DIS3L2: variants seen among roughly 807,000 people sequenced by gnomAD.
DIS3L2 encodes DIS3 like 3'-5' exoribonuclease 2, also known as DIS3-like exonuclease 2.
DIS3L2 carries 34 observed loss-of-function variants against 97.5 expected under a neutral mutation model. The ratio of observed to expected loss-of-function variants is 0.35; its 90% CI spans 0.27 to 0.46. The LOEUF (loss-of-function observed/expected upper bound fraction) is 0.46, where lower values mean the gene tolerates loss of function less well. Ranked by LOEUF, DIS3L2 falls within the 20% of genes least tolerant of loss-of-function variation. The pLI is 1.00. For synonymous variants in DIS3L2, 435 were observed against 445.2 expected, an observed-to-expected ratio of 0.98 and a Z score of 0.29; for missense variants, 1,038 against 1,146.0, an observed-to-expected ratio of 0.91 and a Z score of 1.36.
At chr2:232,238,698 C>T in intron 11 of DIS3L2, 53 bp downstream of exon 11, 2 of 1,486,440 alleles carry the variant, frequency 1.3e-6, no homozygotes, top group Non-Finnish European at 1.8e-6. Flanking sequence ...TTGTTTGTTT[C>T]CCTGGAAGAG....
intron 8 of DIS3L2, among the ~76,000 whole-genome samples, chr2:232,155,193 G>T (rs911483883): frequency 5.2e-5 from 7 of 134,970 alleles, no homozygotes; most frequent in African/African-American, 9.4e-5. Flanking sequence ...GCTGTAGACC[G>T]GAGCTGTTCC....
intron 5 of DIS3L2, among the ~76,000 whole-genome samples, chr2:232,069,241 C>G (rs1399742703): frequency 1.3e-5 from 2 of 152,152 alleles, no homozygotes; most frequent in Admixed American, 6.5e-5. Context: ...CTTTATTTGA[C>G]AAGTTGTTTA....
chr2:232,230,750 C>G (rs1311561599), intron 10 of DIS3L2, among the ~76,000 whole-genome samples: 1 of 152,154 alleles, frequency 6.6e-6, no homozygotes, highest in Non-Finnish European at 1.5e-5. Context: ...TTCCACTTAG[C>G]GCTCCCTGGT....
intron 10 of DIS3L2, among the ~76,000 whole-genome samples, chr2:232,222,401 G>T (rs1242215426): frequency 6.6e-6 from 1 of 152,126 alleles, no homozygotes. Flanking sequence ...AAGAGAAATG[G>T]GAAATTCTGT....
At chr2:232,078,188 C>T (rs562482918) in intron 5 of DIS3L2, among the ~76,000 whole-genome samples, 1 of 151,884 alleles carries the variant, frequency 6.6e-6, no homozygotes, top group South Asian at 2.1e-4. Context: ...GGACTACAGG[C>T]GCGTGCCACT....
intron 7 of DIS3L2, among the ~76,000 whole-genome samples, chr2:232,132,292 A>G (rs945587298): frequency 2.0e-5 from 3 of 152,254 alleles, no homozygotes; most frequent in Admixed American, 6.5e-5. Flanking sequence ...TTAACATTAT[A>G]TGAATTGCAA....
chr2:231,996,973 C>T (rs1263125919), intron 1 of DIS3L2, among the ~76,000 whole-genome samples: 1 of 152,144 alleles, frequency 6.6e-6, no homozygotes, highest in Non-Finnish European at 1.5e-5. Context: ...CCCTTTCCCC[C>T]ACCCTGTTGG....
chr2:231,998,917 A>G (rs961982094), intron 1 of DIS3L2, among the ~76,000 whole-genome samples: 9 of 152,218 alleles, frequency 5.9e-5, no homozygotes, highest in African/African-American at 1.9e-4. Context: ...TTTGGCCAGT[A>G]GCAGCCTTTT....
At chr2:232,182,015 C>T (rs1024272527) in intron 9 of DIS3L2, among the ~76,000 whole-genome samples, 10 of 152,164 alleles carry the variant, frequency 6.6e-5, no homozygotes, top group Middle Eastern at 3.4e-3. Context: ...AGGGTGGTCT[C>T]GAGCTCCTGG....
intron 9 of DIS3L2, among the ~76,000 whole-genome samples, chr2:232,170,916 G>C (rs188030190): frequency 2.6e-5 from 4 of 152,116 alleles, no homozygotes; most frequent in Non-Finnish European, 5.9e-5. Flanking sequence ...ACCTCTTTCA[G>C]GTCAACCCTT....
At chr2:232,043,779 C>G (rs1346495427) in intron 5 of DIS3L2, among the ~76,000 whole-genome samples, 1 of 152,122 alleles carries the variant, frequency 6.6e-6, no homozygotes, top group Admixed American at 6.5e-5. Flanking sequence ...AGGAAATGTA[C>G]TGACATTTAC....
intron 5 of DIS3L2, among the ~76,000 whole-genome samples, chr2:232,041,711 G>A (rs1430605865): frequency 1.3e-5 from 2 of 152,158 alleles, no homozygotes; most frequent in African/African-American, 2.4e-5. Context: ...CACTCAATCG[G>A]CAAAACAATG....
chr2:232,203,752 G>C (rs13403266), intron 9 of DIS3L2, among the ~76,000 whole-genome samples: 12,195 of 152,214 alleles, frequency 0.08, 1,035 homozygotes, highest in African/African-American at 0.21. Flanking sequence ...GCATGGGTAG[G>C]GCGCATGGGG....
rs139456128 is a variant in DIS3L2, at chr2:232,006,960, C to T, written c.-93-7875C>T. Among the ~76,000 whole-genome samples, 9 of 152,160 alleles carry T rather than the reference C, an allele frequency of 5.9e-5. No homozygotes were observed. In the East Asian group the frequency reaches 1.2e-3, roughly 20 times the overall value. The stretch of plus-strand genomic sequence containing the variant: ...ACTTCATTATAGAGAAGATGATAGA[C>T]GTCATATTCCAAAAGAGATTAAAGA... On this transcript the variant is annotated intron_variant, in intron 1 of 20. Coordinates refer to ENST00000325385, the MANE Select transcript of DIS3L2 (RefSeq NM_152383.5).
At chr2:232,091,267 CT>C (rs1013318252) in intron 6 of DIS3L2, among the ~76,000 whole-genome samples, 1 of 152,150 alleles carries the variant, frequency 6.6e-6, no homozygotes, top group Non-Finnish European at 1.5e-5. Flanking sequence ...TTGTAACTAT[CT>C]TTTTTTACCC....
chr2:232,061,637 A>T (rs1350243712), intron 5 of DIS3L2, among the ~76,000 whole-genome samples: 2 of 152,222 alleles, frequency 1.3e-5, no homozygotes, highest in Admixed American at 1.3e-4. Context: ...TGTGGCAGCC[A>T]GTCTAGCCTC....
intron 13 of DIS3L2, among the ~76,000 whole-genome samples, chr2:232,279,538 G>T (rs1026929331): frequency 1.1e-4 from 13 of 116,616 alleles, no homozygotes; most frequent in South Asian, 2.6e-4. Context: ...TTGTTTGTTT[G>T]TTTGTTTTTT....
intron 3 of DIS3L2, among the ~76,000 whole-genome samples, chr2:232,018,531 G>T (rs960951538): frequency 1.3e-5 from 2 of 152,066 alleles, no homozygotes; most frequent in African/African-American, 4.8e-5. Context: ...CAAGCCTTGC[G>T]GGGTAAGGTA....
intron 13 of DIS3L2, among the ~76,000 whole-genome samples, chr2:232,277,054 C>T (rs796323203): frequency 4.6e-5 from 7 of 152,250 alleles, no homozygotes; most frequent in African/African-American, 1.2e-4. Context: ...TACTTCCAGT[C>T]GATCTGGGAG....
Sources: allele counts gnomAD v4.1 joint callset (sites outside exome capture counted in the v4.1 genomes callset), GRCh38; gene constraint gnomAD v4.1.1; transcripts MANE v1.5; gene names NCBI Gene and HGNC (gene_info 2026-07-23, HGNC 2026-07-21).